The following KLHDC4 variants were observed in gnomAD, a reference collection of about 807,000 sequenced individuals.
KLHDC4 encodes kelch domain-containing protein 4.
KLHDC4 carries 90 observed loss-of-function variants against 62.4 expected under a neutral mutation model. The ratio of observed to expected loss-of-function variants is 1.44; its 90% confidence interval spans 1.22 to 1.72. The LOEUF (loss-of-function observed/expected upper bound fraction) is 1.72. Among genes scored for constraint, KLHDC4 ranks in the 40% most tolerant of loss-of-function variants. The pLI is 0.00. For missense variants in KLHDC4, 1,025 were observed against 699.7 expected, an observed-to-expected ratio of 1.47 and a Z score of -5.25; for synonymous variants, 386 against 284.4, an observed-to-expected ratio of 1.36 and a Z score of -3.59.
chr16:87,750,074 G>C (rs769513566), intron 4 of KLHDC4, among the ~76,000 whole-genome samples: 182 of 152,212 alleles, frequency 1.2e-3, no homozygotes, highest in Non-Finnish European at 1.0e-3. Context: ...CTCCACATGA[G>C]GCCCTCCGTG....
intron 4 of KLHDC4, among the ~76,000 whole-genome samples, chr16:87,749,947 G>T (rs1441886990): frequency 2.6e-5 from 4 of 152,198 alleles, no homozygotes; most frequent in African/African-American, 7.2e-5. Flanking sequence ...CAGCGGGAGT[G>T]ATGCCCTCTG....
chr16:87,746,339 G>T (rs1037403004), intron 5 of KLHDC4, among the ~76,000 whole-genome samples: 1 of 151,782 alleles, frequency 6.6e-6, no homozygotes, highest in African/African-American at 2.4e-5. Flanking sequence ...AGGAGAAAAA[G>T]ACAAGACCAC....
At chr16:87,725,323 G>A (rs975404990) in intron 7 of KLHDC4, among the ~76,000 whole-genome samples, 5 of 152,132 alleles carry the variant, frequency 3.3e-5, no homozygotes, top group African/African-American at 7.2e-5. Flanking sequence ...CCGCCACCAC[G>A]CCCGGCTAAT....
intron 4 of KLHDC4, chr16:87,750,764 G>C (rs561371905): frequency 6.6e-6 from 1 of 152,270 alleles, no homozygotes; most frequent in Non-Finnish European, 1.5e-5. Context: ...TCCTTCCTGG[G>C]CCAGACAGCG....
intron 5 of KLHDC4, among the ~76,000 whole-genome samples, chr16:87,733,530 G>A (rs1190517751): frequency 6.6e-6 from 1 of 152,172 alleles, no homozygotes; most frequent in Non-Finnish European, 1.5e-5. Context: ...GGGCCTTAAG[G>A]AGGGTTGCTG....
chr16:87,717,741 G>C (rs1165269211), intron 7 of KLHDC4, among the ~76,000 whole-genome samples: 1 of 148,016 alleles, frequency 6.8e-6, no homozygotes, highest in Non-Finnish European at 1.5e-5. Flanking sequence ...ATCTGCTGGG[G>C]GGACAAGGAA....
intron 4 of KLHDC4, chr16:87,750,985 G>A (rs1344612880): frequency 2.0e-5 from 3 of 152,236 alleles, no homozygotes; most frequent in East Asian, 1.9e-4. Flanking sequence ...GCTCAAGGCC[G>A]AAACCTAACA....
chr16:87,709,593 A>C lies in KLHDC4; in HGVS notation c.1119T>G (p.Cys373Trp), dbSNP rs772927197. The C allele has an allele frequency of 1.5e-4, 247 of 1,612,276 alleles. No homozygotes were observed. The highest frequency in any genetic ancestry group is 2.0e-4 in the Non-Finnish European group (233 of 1,179,678). Reference protein sequence around the residue: ...EEPEGGSRPACGGAGTQGPVQ... With the variant: ...EEPEGGSRPAWGGAGTQGPVQ... The stretch of plus-strand genomic sequence containing the variant: ...CAGGCCCCTGGGTGCCAGCTCCCCC[A>C]CACGCCGGCCTGCTACCACCTTCGG... The change falls in exon 10 of 12, where the codon TGT becomes TGG. Residue 373 changes from cysteine to tryptophan, a missense_variant. Transcript: ENST00000270583.
Position 87,714,508 on chromosome 16 carries a change from G to T in KLHDC4, c.825C>A (p.Asp275Glu). 1.2e-6 allele frequency: 2 copies of T among 1,614,120 alleles called. No homozygotes were observed. Among genetic ancestry groups the T allele is most frequent in the East Asian group, 2.2e-5 (1 of 44,862 alleles). ...GCACAGCACCTCTACCTTCTCTTCCGTCCTCTGGCTTCAGCAGGAACATGT... is the reference window on the plus strand; with the variant it reads ...GCACAGCACCTCTACCTTCTCTTCCTTCCTCTGGCTTCAGCAGGAACATGT... ...HSDMFLLKPEDGREDKWVWTR... is the reference protein window; with the variant it reads ...HSDMFLLKPEEGREDKWVWTR... Residue 275 changes from aspartate to glutamate, a missense_variant, in exon 8 of 12, where the codon GAC becomes GAA. Physicochemically the swap from Asp to Glu is conservative, Grantham distance 45. Transcript: ENST00000270583.
intron 5 of KLHDC4, among the ~76,000 whole-genome samples, chr16:87,734,122 G>A (rs538934319): frequency 2.0e-5 from 3 of 152,292 alleles, no homozygotes; most frequent in Admixed American, 1.3e-4. Flanking sequence ...CAAGGTGGGC[G>A]GATCACGAGG....
At chr16:87,743,917 G>A (rs981246900) in intron 5 of KLHDC4, among the ~76,000 whole-genome samples, 2 of 152,098 alleles carry the variant, frequency 1.3e-5, no homozygotes, top group Non-Finnish European at 2.9e-5. Context: ...GGGGTATGAT[G>A]CTGTCACTGC....
chr16:87,736,002 C>T (rs1015573057), intron 5 of KLHDC4, among the ~76,000 whole-genome samples: 1 of 152,262 alleles, frequency 6.6e-6, no homozygotes. Context: ...GCAAACGCTT[C>T]TCTGAGTGAC....
rs762661136 is a variant in KLHDC4, at chr16:87,708,031, G to A, written c.*46C>T. On this transcript the variant is annotated 3_prime_UTR_variant, in exon 12 of 12. Transcript: ENST00000270583. Reference sequence around the variant, plus strand: ...CACTCAACACGGCTGGGTCCTGGGCGGACGTGGGCACAGCACTTGCCAGGC... The same window carrying A: ...CACTCAACACGGCTGGGTCCTGGGCAGACGTGGGCACAGCACTTGCCAGGC... 16 of 512,302 alleles carry A rather than the reference G, an allele frequency of 3.1e-5. No homozygotes were observed. The highest frequency in any genetic ancestry group is 2.1e-4 in the East Asian group (4 of 18,910). The allele number at this position is 512,302 out of a possible 1,614,324, so 31.7% of individuals were successfully genotyped here.
chr16:87,760,202 A>T (rs1486700729), intron 2 of KLHDC4, among the ~76,000 whole-genome samples: 1 of 151,332 alleles, frequency 6.6e-6, no homozygotes, highest in Non-Finnish European at 1.5e-5. Context: ...CTTTCAGGCA[A>T]CATTACTTAT....
At chr16:87,755,891 CTG>C (rs1384995182) in intron 3 of KLHDC4, 2 of 161,494 alleles carry the variant, frequency 1.2e-5, no homozygotes, top group Admixed American at 5.8e-5. Context: ...TGCACGAAAA[CTG>C]AGAGACGAAG....
At chr16:87,728,695 A>G (rs62055582) in intron 6 of KLHDC4, among the ~76,000 whole-genome samples, 1 of 152,136 alleles carries the variant, frequency 6.6e-6, no homozygotes, top group Non-Finnish European at 1.5e-5. Flanking sequence ...AAGAATGAAC[A>G]TAAGGCTAGG....
At chr16:87,731,616 C>A (rs562273147) in intron 5 of KLHDC4, among the ~76,000 whole-genome samples, 1 of 151,534 alleles carries the variant, frequency 6.6e-6, no homozygotes, top group Non-Finnish European at 1.5e-5. Flanking sequence ...GGACATGGGG[C>A]TGCTGGAGCC....
At chr16:87,762,925 C>T (rs913834557) in intron 1 of KLHDC4, among the ~76,000 whole-genome samples, 2 of 152,162 alleles carry the variant, frequency 1.3e-5, no homozygotes, top group African/African-American at 4.8e-5. Context: ...CCTCACCTCC[C>T]ACCTGGCCTC....
chr16:87,761,289 T>C (rs1483509667), intron 2 of KLHDC4, among the ~76,000 whole-genome samples: 2 of 152,104 alleles, frequency 1.3e-5, no homozygotes, highest in Admixed American at 6.6e-5. Flanking sequence ...ACCAGAGCCA[T>C]CACATGCGCC....
Sources: gnomAD v4.1 joint callset for allele counts (sites outside exome capture counted in the v4.1 genomes callset) on GRCh38, gnomAD v4.1.1 for gene constraint, MANE v1.5 for transcripts, NCBI Gene and HGNC (gene_info 2026-07-23, HGNC 2026-07-21) for gene names.